Variants in PEX5L observed in about 807,000 individuals in gnomAD.
The protein encoded by PEX5L is peroxisomal biogenesis factor 5 like.
PEX5L carries 30 observed loss-of-function variants against 84.0 expected under a neutral mutation model. That is an observed-to-expected ratio of 0.36 (90% CI 0.27 to 0.48). The LOEUF is 0.48. Ranked by LOEUF, PEX5L falls within the 20% of genes least tolerant of loss-of-function variation. The pLI, the probability that PEX5L is intolerant of heterozygous loss-of-function variation, is 0.99. For missense variants in PEX5L, 533 were observed against 754.6 expected (o/e 0.71, Z 3.44); for synonymous variants, 270 against 283.1 (o/e 0.95, Z 0.46).
At chr3:179,928,485 TCAAA>T (rs1341407215) in intron 2 of PEX5L, among the ~76,000 whole-genome samples, 10 of 152,218 alleles carry the variant, frequency 6.6e-5, no homozygotes, top group African/African-American at 2.4e-4. Flanking sequence ...CACTTAAGCT[TCAAA>T]CAATGTGTCG....
At chr3:179,938,338 T>C (rs191077108) in intron 2 of PEX5L, among the ~76,000 whole-genome samples, 7 of 152,312 alleles carry the variant, frequency 4.6e-5, no homozygotes, top group South Asian at 2.1e-4. Flanking sequence ...CTAACTTACA[T>C]AGATGAGAGG....
At position 179,845,523 on chromosome 3, in the gene PEX5L, C is replaced by T. The variant is rs140207635; in HGVS notation, c.822+13539G>A. On this transcript the variant is annotated intron_variant, in intron 8 of 14. Transcript: ENST00000467460. ...AAGAATATCAAGTAATTTTAATATACATTAAAACAGATTAATAAGAAAAAT... is the reference window on the plus strand; with the variant it reads ...AAGAATATCAAGTAATTTTAATATATATTAAAACAGATTAATAAGAAAAAT... Among the ~76,000 whole-genome samples, 388 of 152,244 alleles carry T rather than the reference C, an allele frequency of 2.5e-3. 1 individual carries two copies. The highest frequency in any genetic ancestry group is 0.01 in the Middle Eastern group (3 of 294).
chr3:179,853,763 C>T (rs1430306642), intron 8 of PEX5L, among the ~76,000 whole-genome samples: 1 of 151,626 alleles, frequency 6.6e-6, no homozygotes, highest in Non-Finnish European at 1.5e-5. Flanking sequence ...TCTTCTTCCT[C>T]CTCTTCTTCT....
Position 179,795,636 on chromosome 3 carries a change from A to G in PEX5L, c.*6192T>C, listed in dbSNP as rs1716628893. The stretch of plus-strand genomic sequence containing the variant: ...GAATTGGTATTAATTTAGTAACGCA[A>G]TGTAAACATTTAAACTTAAATTTTT... On this transcript the variant is annotated 3_prime_UTR_variant, in exon 15 of 15. Coordinates refer to ENST00000467460, the MANE Select transcript of PEX5L (RefSeq NM_016559.3). 6.6e-6 allele frequency: 1 copy of G among 152,164 alleles called. No individual in the cohort carries two copies. Among genetic ancestry groups the G allele is most frequent in the Admixed American group, 6.5e-5 (1 of 15,272 alleles). 9.4% of individuals were successfully genotyped at this position (152,164 alleles called of 1,614,324 possible).
chr3:179,986,473 G>T (rs1786841499), intron 1 of PEX5L, among the ~76,000 whole-genome samples: 1 of 148,584 alleles, frequency 6.7e-6, no homozygotes, highest in Non-Finnish European at 1.5e-5. Flanking sequence ...CGCGATCTCG[G>T]CTCACCGCAA....
intron 8 of PEX5L, among the ~76,000 whole-genome samples, chr3:179,848,551 CAAAA>C (rs377561010): frequency 2.1e-5 from 2 of 95,774 alleles, no homozygotes; most frequent in African/African-American, 3.5e-5. Flanking sequence ...AAACCTCTCT[CAAAA>C]AAAAAAAAAA....
intron 8 of PEX5L, among the ~76,000 whole-genome samples, chr3:179,844,613 G>T (rs1407608229): frequency 6.6e-6 from 1 of 152,178 alleles, no homozygotes; most frequent in Non-Finnish European, 1.5e-5. Flanking sequence ...CGGATCATGA[G>T]GTCAGAAGAT....
chr3:179,978,831 A>AT (rs1786048798), intron 1 of PEX5L, among the ~76,000 whole-genome samples: 1 of 152,188 alleles, frequency 6.6e-6, no homozygotes, highest in Non-Finnish European at 1.5e-5. Context: ...AAGCGTTAGG[A>AT]TTTTTATAGC....
At chr3:180,036,519 A>C in intron 1 of PEX5L, 60 bp downstream of exon 1, 1 of 1,527,868 alleles carries the variant, frequency 6.5e-7, no homozygotes, top group Non-Finnish European at 9.1e-7. Context: ...AACTTGGTGA[A>C]CCGCCTTGCT....
chr3:179,906,342 T>C lies in PEX5L; in HGVS notation c.94-8096A>G, dbSNP rs555508324. 1.4e-4 allele frequency among the ~76,000 whole-genome samples: 21 copies of C among 152,352 alleles called. 1 individual carries two copies. The South Asian group carries it at 4.4e-3, about 32-fold the overall frequency. ...TGGCTTTGAATCAGTAAAGTTTTAA[T>C]ATCAGGCTTCCTCTGATGAATGTGG... is the stretch of plus-strand genomic sequence containing the variant. On this transcript the variant is annotated intron_variant, in intron 2 of 14. Coordinates refer to ENST00000467460, the MANE Select transcript of PEX5L (RefSeq NM_016559.3).
Position 179,819,920 on chromosome 3 carries a change from C to T in PEX5L, c.879G>A (p.Arg293=). 2 of 1,613,958 alleles carry T rather than the reference C, an allele frequency of 1.2e-6. No individual in the cohort carries two copies. The highest frequency in any genetic ancestry group is 2.7e-5 in the African/African-American group (2 of 74,986). Residue 293 remains arginine, a synonymous_variant, in exon 9 of 15, where the codon AGG becomes AGA. Coordinates refer to ENST00000467460, the MANE Select transcript of PEX5L (RefSeq NM_016559.3). The stretch of plus-strand genomic sequence containing the variant: ...CTTCTTGGTTCTCAGATATCCAGTT[C>T]CTCCGAGCCATTTCTTCCCATTCTG... The part of the protein sequence containing the change: ...MQAEWEEMAR[R]NWISENQEAQ...
At chr3:180,036,498 T>A (rs1791919083) in intron 1 of PEX5L, 81 bp downstream of exon 1, 1 of 1,329,218 alleles carries the variant, frequency 7.5e-7, no homozygotes, top group Non-Finnish European at 1.1e-6. Flanking sequence ...AAGGCAGCAC[T>A]TGACCACAGA....
At chr3:179,946,198 T>G (rs1777498702) in intron 2 of PEX5L, among the ~76,000 whole-genome samples, 1 of 152,146 alleles carries the variant, frequency 6.6e-6, no homozygotes, top group Non-Finnish European at 1.5e-5. Context: ...GAAAGAGTTT[T>G]GAAATCAGAA....
At chr3:179,959,925 C>A (rs1446256891) in intron 2 of PEX5L, among the ~76,000 whole-genome samples, 2 of 152,140 alleles carry the variant, frequency 1.3e-5, no homozygotes, top group African/African-American at 2.4e-5. Context: ...CAAAACTATG[C>A]CTAGAATATA....
chr3:179,830,972 T>C (rs2109134820), intron 8 of PEX5L, among the ~76,000 whole-genome samples: 1 of 152,300 alleles, frequency 6.6e-6, no homozygotes, highest in South Asian at 2.1e-4. Context: ...TGCATTCATC[T>C]CGGGGCTATT....
At chr3:179,836,505 C>G (rs753413794) in intron 8 of PEX5L, among the ~76,000 whole-genome samples, 23 of 152,222 alleles carry the variant, frequency 1.5e-4, no homozygotes, top group Middle Eastern at 3.4e-3. Flanking sequence ...TTTATTTGAC[C>G]TTTTGAGAAA....
intron 6 of PEX5L, 138 bp downstream of exon 6, chr3:179,875,216 A>G: frequency 1.4e-6 from 1 of 715,238 alleles, no homozygotes; most frequent in Non-Finnish European, 2.3e-6. Context: ...AGTTGGTAGA[A>G]GCCACAATAA....
intron 2 of PEX5L, among the ~76,000 whole-genome samples, chr3:179,905,142 C>A (rs1220838802): frequency 6.6e-6 from 1 of 152,196 alleles, no homozygotes; most frequent in Non-Finnish European, 1.5e-5. Context: ...AGACCTGAGG[C>A]AGAAAGCATT....
intron 3 of PEX5L, among the ~76,000 whole-genome samples, chr3:179,889,610 G>A (rs959152917): frequency 2.0e-5 from 3 of 152,006 alleles, no homozygotes; most frequent in Admixed American, 6.6e-5. Flanking sequence ...ATAAAACCTC[G>A]CAGATTTTGC....
Sources: gnomAD v4.1 joint callset for allele counts (sites outside exome capture counted in the v4.1 genomes callset) on GRCh38, gnomAD v4.1.1 for gene constraint, MANE v1.5 for transcripts, NCBI Gene and HGNC (gene_info 2026-07-23, HGNC 2026-07-21) for gene names.